The following DOCK2 variants were observed in gnomAD, a reference collection of about 807,000 sequenced individuals.
DOCK2 encodes the protein dedicator of cytokinesis 2.
Under a neutral mutation model 248.9 loss-of-function variants are expected in DOCK2, and 87 were observed. The ratio of observed to expected loss-of-function variants is 0.35; its 90% confidence interval spans 0.29 to 0.42. DOCK2 has a LOEUF of 0.42. Ranked by LOEUF, DOCK2 falls within the 10% of genes least tolerant of loss-of-function variation. The probability of loss-of-function intolerance (pLI) is 1.00; values close to 1 mark genes in which losing one functional copy is unlikely to be tolerated. For synonymous variants in DOCK2, 805 were observed against 821.6 expected (o/e 0.98, Z 0.35); for missense variants, 1,747 against 2,300.2 (o/e 0.76, Z 4.92).
Position 170,033,267 on chromosome 5 carries a change from C to T in DOCK2, c.3468-1132C>T, listed in dbSNP as rs1756207614. Reference sequence around the variant, plus strand: ...GTGTGGTTCTTTTCTATATTGATGTCTTTCTCTCTACCACACAATGCCTAG... The same window carrying T: ...GTGTGGTTCTTTTCTATATTGATGTTTTTCTCTCTACCACACAATGCCTAG... On this transcript the variant is annotated intron_variant, in intron 34 of 51. Transcript: ENST00000520908. 2.0e-5 allele frequency among the ~76,000 whole-genome samples: 3 copies of T among 152,148 alleles called. 1 individual carries two copies. In the South Asian group the frequency reaches 6.2e-4, roughly 32 times the overall value.
chr5:170,043,213 T>C (rs1354915031), intron 38 of DOCK2, among the ~76,000 whole-genome samples: 1 of 152,190 alleles, frequency 6.6e-6, no homozygotes, highest in African/African-American at 2.4e-5. Context: ...TCCTTGCTCC[T>C]CTACCACCTA....
At chr5:169,658,084 C>A (rs1186245229) in intron 2 of DOCK2, among the ~76,000 whole-genome samples, 2 of 152,090 alleles carry the variant, frequency 1.3e-5, no homozygotes, top group Admixed American at 1.3e-4. Context: ...CTTTTCATAA[C>A]AATTTTCATT....
At chr5:169,771,822 G>A (rs1010551490) in intron 25 of DOCK2, among the ~76,000 whole-genome samples, 2 of 152,158 alleles carry the variant, frequency 1.3e-5, no homozygotes, top group Non-Finnish European at 2.9e-5. Context: ...CAGTCCTGAA[G>A]TCTAAAAGAT....
chr5:169,846,584 G>GTATATATATA (rs371264304), intron 27 of DOCK2, among the ~76,000 whole-genome samples: 7 of 138,530 alleles, frequency 5.1e-5, no homozygotes, highest in African/African-American at 2.0e-4. Flanking sequence ...GATAGAAAGT[G>GTATATATATA]TATATATATA....
At chr5:169,668,946 G>A (rs1204568395) in intron 2 of DOCK2, among the ~76,000 whole-genome samples, 2 of 152,166 alleles carry the variant, frequency 1.3e-5, no homozygotes, top group Non-Finnish European at 2.9e-5. Flanking sequence ...GAGGGGCTGC[G>A]TTGAGGCTGG....
intron 2 of DOCK2, among the ~76,000 whole-genome samples, chr5:169,667,731 T>C (rs988089160): frequency 7.9e-5 from 12 of 152,214 alleles, no homozygotes; most frequent in African/African-American, 2.7e-4. Context: ...AGGATTGTTG[T>C]AAAGATTAAT....
rs1202703414 is a variant in DOCK2 at position 169,763,635 on chromosome 5, G to C, written c.2554+2010G>C. Among the ~76,000 whole-genome samples, 2 of 152,350 alleles carry C rather than the reference G, an allele frequency of 1.3e-5. No individual in the cohort carries two copies. Among genetic ancestry groups the C allele is most frequent in the Admixed American group, 6.5e-5 (1 of 15,304 alleles). ...GCATCATGGCAGGGCAGGCTGGACA[G>C]CTGCTGCTTCTCAGTCCTGCTGTGT... On this transcript the variant is annotated intron_variant, in intron 25 of 51. Coordinates refer to ENST00000520908, the MANE Select transcript of DOCK2 (RefSeq NM_004946.3). This position sits in a 1 kb window ranked among gnomAD's most constrained non-coding sequence, Gnocchi z 4.1.
chr5:169,759,904 T>A (rs1349899251), intron 24 of DOCK2, 129 bp downstream of exon 24: 7 of 979,366 alleles, frequency 7.1e-6, no homozygotes, highest in African/African-American at 1.6e-5. Flanking sequence ...TGGCAGGGGA[T>A]GTTTTCAGGG....
chr5:169,842,529 T>C (rs1770048038), intron 27 of DOCK2, among the ~76,000 whole-genome samples: 1 of 152,148 alleles, frequency 6.6e-6, no homozygotes, highest in South Asian at 2.1e-4. Context: ...AGCTAATTTT[T>C]GTATTTTTAG....
At chr5:169,760,408 C>T (rs1764424234) in intron 24 of DOCK2, among the ~76,000 whole-genome samples, 1 of 152,164 alleles carries the variant, frequency 6.6e-6, no homozygotes, top group South Asian at 2.1e-4. Flanking sequence ...CCAGCTTCCC[C>T]TAATGTTAAC....
chr5:169,906,928 G>T (rs965794788), intron 27 of DOCK2, among the ~76,000 whole-genome samples: 2 of 152,128 alleles, frequency 1.3e-5, no homozygotes, highest in Non-Finnish European at 2.9e-5. Flanking sequence ...TGTCTAGAGG[G>T]AAATACTATC....
chr5:169,707,984 G>T (rs1761367987), intron 14 of DOCK2, among the ~76,000 whole-genome samples, 185 bp from the exon 15 acceptor site: 1 of 152,206 alleles, frequency 6.6e-6, no homozygotes, highest in African/African-American at 2.4e-5. Flanking sequence ...CAGTCCTGTG[G>T]CTGGGGCACT....
At chr5:170,019,780 G>A (rs915653107) in intron 33 of DOCK2, among the ~76,000 whole-genome samples, 2 of 152,074 alleles carry the variant, frequency 1.3e-5, no homozygotes, top group African/African-American at 4.8e-5. Context: ...ATTGGCTCCC[G>A]GTACTGCTCA....
intron 2 of DOCK2, among the ~76,000 whole-genome samples, chr5:169,660,953 A>T (rs1758413064): frequency 1.4e-5 from 2 of 147,948 alleles, no homozygotes; most frequent in Admixed American, 6.7e-5. Context: ...TGATGGAAAT[A>T]TGTTGAAATG....
chr5:170,069,773 C>T (rs1176602363), intron 46 of DOCK2, among the ~76,000 whole-genome samples: 1 of 152,326 alleles, frequency 6.6e-6, no homozygotes, highest in Admixed American at 6.5e-5. Context: ...GAAGTTACCA[C>T]CCTGCTGTTT....
intron 33 of DOCK2, among the ~76,000 whole-genome samples, chr5:170,024,974 G>A (rs1039593769): frequency 2.0e-5 from 3 of 152,176 alleles, no homozygotes; most frequent in South Asian, 2.1e-4. Context: ...CCAAAGAAAA[G>A]TTCAGCTCAC....
intron 48 of DOCK2, among the ~76,000 whole-genome samples, 185 bp from the exon 49 acceptor site, chr5:170,078,790 A>G (rs969147562): frequency 6.6e-6 from 1 of 152,150 alleles, no homozygotes; most frequent in South Asian, 2.1e-4. Context: ...TACTCATCAC[A>G]TTTAACTGTT....
At chr5:170,021,762 C>T (rs928608115) in intron 33 of DOCK2, among the ~76,000 whole-genome samples, 4 of 152,130 alleles carry the variant, frequency 2.6e-5, no homozygotes, top group South Asian at 2.1e-4. Flanking sequence ...GAGCTCAGCT[C>T]GGGGATACGC....
chr5:170,062,187 C>T (rs550844112), intron 44 of DOCK2, among the ~76,000 whole-genome samples: 4 of 151,756 alleles, frequency 2.6e-5, no homozygotes, highest in Non-Finnish European at 5.9e-5. Flanking sequence ...GGCCTTCTCA[C>T]TGTAGAGATC....
Sources: gnomAD v4.1 joint callset for allele counts (sites outside exome capture counted in the v4.1 genomes callset) on GRCh38, gnomAD v4.1.1 for gene constraint, Gnocchi (gnomAD v3.1) non-coding constraint, MANE v1.5 for transcripts, NCBI Gene and HGNC (gene_info 2026-07-23, HGNC 2026-07-21) for gene names.